CEP192: variants seen among roughly 807,000 people sequenced by gnomAD.
CEP192 encodes centrosomal protein of 192 kDa.
In CEP192, 151 loss-of-function variants were observed where a neutral mutation model predicts 271.8. That is an observed-to-expected ratio of 0.56 (90% CI 0.49 to 0.64). The LOEUF (loss-of-function observed/expected upper bound fraction) is 0.64, where lower values mean the gene tolerates loss of function less well. Ranked by LOEUF, CEP192 falls within the 30% of genes least tolerant of loss-of-function variation. The probability of loss-of-function intolerance (pLI) is 0.00; values close to 1 mark genes in which losing one functional copy is unlikely to be tolerated. For synonymous variants in CEP192, 995 were observed against 1,076.5 expected (o/e 0.92, Z 1.48); for missense variants, 2,910 against 3,020.5 (o/e 0.96, Z 0.86).
chr18:12,991,795 C>G (rs1038380766), intron 1 of CEP192, among the ~76,000 whole-genome samples: 5 of 152,248 alleles, frequency 3.3e-5, no homozygotes, highest in Admixed American at 6.5e-5. Flanking sequence ...GTGCTACCCT[C>G]TGGAGTTTCT....
intron 35 of CEP192, 152 bp from the exon 36 acceptor site, chr18:13,096,032 C>A: frequency 1.3e-6 from 1 of 793,460 alleles, no homozygotes; most frequent in Non-Finnish European, 2.0e-6. Context: ...TCTTTGTTTA[C>A]TACCAAGGAT....
chr18:13,009,022 T>G (rs1313256753), intron 4 of CEP192, among the ~76,000 whole-genome samples: 1 of 150,882 alleles, frequency 6.6e-6, no homozygotes, highest in African/African-American at 2.4e-5. Flanking sequence ...TTGTTTTTTT[T>G]TTTTTTTTTG....
chr18:13,001,892 A>G (rs1262402919), intron 3 of CEP192, among the ~76,000 whole-genome samples: 1 of 152,120 alleles, frequency 6.6e-6, no homozygotes, highest in Admixed American at 6.5e-5. Flanking sequence ...TTTTTAGTAG[A>G]GATGGGGTTT....
At chr18:13,122,787 T>G (rs1214719671) in intron 44 of CEP192, among the ~76,000 whole-genome samples, 2 of 152,056 alleles carry the variant, frequency 1.3e-5, no homozygotes, top group Non-Finnish European at 2.9e-5. Flanking sequence ...GGATCTGAAC[T>G]AGACCTCCCC....
intron 21 of CEP192, among the ~76,000 whole-genome samples, chr18:13,060,034 G>A (rs1464684321): frequency 1.6e-4 from 25 of 152,206 alleles, no homozygotes; most frequent in Admixed American, 1.6e-3. Context: ...GTGCAGAATA[G>A]AGGAAAAGCA....
intron 44 of CEP192, among the ~76,000 whole-genome samples, chr18:13,122,666 G>A (rs2040724389): frequency 6.6e-6 from 1 of 152,226 alleles, no homozygotes; most frequent in Non-Finnish European, 1.5e-5. Context: ...TGTAGATGGG[G>A]CCTGCAGGGA....
intron 36 of CEP192, among the ~76,000 whole-genome samples, chr18:13,098,515 G>T (rs1052431764): frequency 1.3e-5 from 2 of 151,854 alleles, no homozygotes; most frequent in East Asian, 3.9e-4. Flanking sequence ...TCGCGGCCGG[G>T]CAGAGGCGCT....
chr18:13,004,999 A>C (rs538152828), intron 3 of CEP192, among the ~76,000 whole-genome samples: 2 of 152,236 alleles, frequency 1.3e-5, no homozygotes, highest in East Asian at 3.9e-4. Flanking sequence ...TTGGAGGTGC[A>C]GGTGGGGTTA....
Position 13,037,243 on chromosome 18 carries a change from C to T in CEP192, c.1541C>T (p.Ala514Val), listed in dbSNP as rs1568316387. The T allele has an allele frequency of 7.8e-7, 1 of 1,275,310 alleles. No individual in the cohort carries two copies. The highest frequency in any genetic ancestry group is 1.1e-6 in the Non-Finnish European group (1 of 898,322). 79.0% of individuals were successfully genotyped at this position (1,275,310 alleles called of 1,614,324 possible). A position where few individuals can be genotyped will look rare whatever the true frequency, so the allele number is the denominator to read the frequency against. The change falls in exon 12 of 45, where the codon GCA (alanine) becomes GTA (valine). Residue 514 changes from alanine (A) to valine (V), a missense_variant. Transcript: ENST00000506447. ...ATAAACATTCTTTTTTAAGCTGAAG[C>T]ATTTGATTTGATTGCACAAGATGAA... ...MNEDFRSGSE[A>V]FDLIAQDEEE...
In CEP192 at chr18:12,999,464, A is replaced by G; in HGVS notation, c.40A>G (p.Ser14Gly). 6.5e-7 allele frequency: 1 copy of G among 1,549,152 alleles called. No individual in the cohort carries two copies. The highest frequency in any genetic ancestry group is 8.7e-7 in the Non-Finnish European group (1 of 1,146,264). Reference protein sequence around the residue: ...FRGIAEESFPSFLTNSLFGNS... With the variant: ...FRGIAEESFPGFLTNSLFGNS... ...AGGTATAGCAGAAGAATCATTTCCA[A>G]GCTTTCTCACCAATTCATTATTTGG... is the stretch of plus-strand genomic sequence containing the variant. Residue 14 changes from serine (S) to glycine (G), a missense_variant, in exon 2 of 45, where the codon AGC becomes GGC. Physicochemically the swap from Ser to Gly is moderately conservative, Grantham distance 56. Coordinates refer to ENST00000506447, the MANE Select transcript of CEP192 (RefSeq NM_032142.4).
At chr18:13,114,330 T>C (rs2145083204) in intron 42 of CEP192, 79 bp downstream of exon 42, 1 of 1,460,860 alleles carries the variant, frequency 6.8e-7, no homozygotes, top group Middle Eastern at 1.8e-4. Flanking sequence ...GCTCGATGAC[T>C]TTACCTGAGT....
chr18:13,015,353 A>G lies in CEP192; in HGVS notation c.545A>G (p.His182Arg). 2 of 1,550,458 alleles carry G rather than the reference A, an allele frequency of 1.3e-6. No individual in the cohort carries two copies. Residue 182 changes from histidine (H) to arginine (R), a missense_variant, in exon 6 of 45, where the codon CAT (histidine) becomes CGT (arginine). His to Arg is a conservative substitution (Grantham distance 29). Transcript: ENST00000506447. ...ATTGTTGTGCTTGATGCTGGAAAAC[A>G]TTTTGAAGACAAGACTCTAAAGAGT... Reference protein sequence around the residue: ...PKIVVLDAGKHFEDKTLKSDL... With the variant: ...PKIVVLDAGKRFEDKTLKSDL...
intron 11 of CEP192, among the ~76,000 whole-genome samples, chr18:13,033,424 A>G (rs1020631519): frequency 1.3e-5 from 2 of 152,112 alleles, no homozygotes; most frequent in African/African-American, 2.4e-5. Flanking sequence ...AAGTTTGGTG[A>G]TAAAACTGTC....
chr18:13,010,597 A>G (rs1036844810), intron 4 of CEP192, among the ~76,000 whole-genome samples: 5 of 152,254 alleles, frequency 3.3e-5, no homozygotes, highest in African/African-American at 1.2e-4. Context: ...CGGTAATCTC[A>G]GCACTTTGGG....
intron 30 of CEP192, 28 bp downstream of exon 30, chr18:13,073,213 C>G (rs1399458378): frequency 6.4e-7 from 1 of 1,561,600 alleles, no homozygotes; most frequent in Non-Finnish European, 8.7e-7. Flanking sequence ...CCTTTCCCTT[C>G]CCCTGGAGTT....
intron 9 of CEP192, among the ~76,000 whole-genome samples, chr18:13,025,051 C>T (rs9964950): frequency 0.039 from 5,943 of 152,100 alleles, 376 homozygotes; most frequent in African/African-American, 0.14. Context: ...GAATTACAGG[C>T]GTGACCCACT....
chr18:13,051,096 C>T (rs1346914099), intron 17 of CEP192, among the ~76,000 whole-genome samples: 2 of 152,090 alleles, frequency 1.3e-5, no homozygotes. Flanking sequence ...GATGTTTTTG[C>T]CAAAATTCTT....
Position 13,099,458 on chromosome 18 carries a change from T to C in CEP192, c.6558-18T>C. 1 of 1,273,592 alleles carries C rather than the reference T, an allele frequency of 7.9e-7. No homozygotes were observed. The highest frequency in any genetic ancestry group is 2.1e-5 in the Admixed American group (1 of 46,720). 78.9% of individuals were successfully genotyped at this position (1,273,592 alleles called of 1,614,324 possible). A position where few individuals can be genotyped will look rare whatever the true frequency, so the allele number is the denominator to read the frequency against. On this transcript the variant is annotated intron_variant, in intron 36 of 44. Transcript: ENST00000506447. Reference sequence around the variant, plus strand: ...AAATGCAGGCTCTTTTTAATTTTCTTATTAATTTTTTTTAAAGGAGTAAAC... The same window carrying C: ...AAATGCAGGCTCTTTTTAATTTTCTCATTAATTTTTTTTAAAGGAGTAAAC...
chr18:13,024,576 C>T (rs925584527), intron 9 of CEP192, among the ~76,000 whole-genome samples: 5 of 152,086 alleles, frequency 3.3e-5, no homozygotes, highest in Non-Finnish European at 5.9e-5. Flanking sequence ...GATTCTCCTG[C>T]CTCAGCCTCC....
Sources: allele counts gnomAD v4.1 joint callset (sites outside exome capture counted in the v4.1 genomes callset), GRCh38; gene constraint gnomAD v4.1.1; transcripts MANE v1.5; gene names NCBI Gene and HGNC (gene_info 2026-07-23, HGNC 2026-07-21).